The following HIVEP1 variants were observed in gnomAD, a reference collection of about 807,000 sequenced individuals.
HIVEP1 encodes the protein zinc finger protein 40.
A neutral mutation model predicts 180.0 loss-of-function variants in HIVEP1; 36 were observed. The ratio of observed to expected loss-of-function variants is 0.20; its 90% confidence interval spans 0.15 to 0.26. The LOEUF (loss-of-function observed/expected upper bound fraction) is 0.26. Ranked by LOEUF, HIVEP1 falls within the 10% of genes least tolerant of loss-of-function variation. The pLI, the probability that HIVEP1 is intolerant of heterozygous loss-of-function variation, is 1.00. For missense variants in HIVEP1, 3,143 were observed against 3,268.7 expected (o/e 0.96, Z 0.94); for synonymous variants, 1,239 against 1,239.0 (o/e 1.00, Z 0.00).
the HIVEP1 span, among the ~76,000 whole-genome samples, chr6:12,193,255 T>G: frequency 6.6e-6 from 1 of 152,238 alleles, no homozygotes; most frequent in Non-Finnish European, 1.5e-5. Flanking sequence ...ACTTATCCTA[T>G]TTCCCATTTT....
intron 3 of HIVEP1, among the ~76,000 whole-genome samples, chr6:12,090,302 C>A (rs919643283): frequency 6.6e-6 from 1 of 152,052 alleles, no homozygotes; most frequent in African/African-American, 2.4e-5. Flanking sequence ...ACTATTTTGA[C>A]AGAGTAATTT....
rs577439499 is a variant in HIVEP1 at position 12,095,512 on chromosome 6, T to G, written c.94+6275T>G. ...ATGTTGGAATTTTTTTTTCTCCACA[T>G]GGATGGGGATCTTATTTATTTTTAG... On this transcript the variant is annotated intron_variant, in intron 3 of 8. Transcript: ENST00000379388. Among the ~76,000 whole-genome samples the G allele has an allele frequency of 1.5e-4, 21 of 137,460 alleles. No individual in the cohort carries two copies. In the South Asian group the frequency reaches 5.5e-3, roughly 36 times the overall value. 90.2% of individuals were successfully genotyped at this position (137,460 alleles called of 152,430 possible). A position where few individuals can be genotyped will look rare whatever the true frequency, so the allele number is the denominator to read the frequency against.
chr6:12,170,227 G>T, the HIVEP1 span, among the ~76,000 whole-genome samples: 3 of 152,130 alleles, frequency 2.0e-5, no homozygotes, highest in South Asian at 4.2e-4. Context: ...AAGATGCAAG[G>T]TATCTTGAAT....
At chr6:12,103,372 T>A (rs1462868260) in intron 3 of HIVEP1, among the ~76,000 whole-genome samples, 1 of 152,098 alleles carries the variant, frequency 6.6e-6, no homozygotes, top group Non-Finnish European at 1.5e-5. Context: ...TTACCCAAGG[T>A]CACATAGCTG....
upstream of HIVEP1, among the ~76,000 whole-genome samples, chr6:12,009,889 A>G (rs1456147674): frequency 6.6e-6 from 1 of 152,266 alleles, no homozygotes. Context: ...TTTGTTAGAA[A>G]GTTCGTAGTA....
At chr6:12,130,012 A>G (rs891796919) in intron 5 of HIVEP1, 120 bp downstream of exon 5, 6 of 664,366 alleles carry the variant, frequency 9.0e-6, no homozygotes, top group South Asian at 1.9e-5. Flanking sequence ...GTTTCTCAGC[A>G]TATTAACAGA....
chr6:12,044,499 C>T (rs1193830505), intron 2 of HIVEP1, among the ~76,000 whole-genome samples: 2 of 152,170 alleles, frequency 1.3e-5, no homozygotes, highest in South Asian at 4.1e-4. Context: ...CACCTGTGTA[C>T]AGCTGAGGGC....
chr6:12,123,449 T>C lies in HIVEP1; in HGVS notation c.3654T>C (p.His1218=). The C allele has an allele frequency of 1.2e-6, 2 of 1,614,188 alleles. No individual in the cohort carries two copies. Among genetic ancestry groups the C allele is most frequent in the Non-Finnish European group, 1.7e-6 (2 of 1,180,034 alleles). Residue 1218 remains histidine, a synonymous_variant, in exon 4 of 9, where the codon CAT becomes CAC. Coordinates refer to ENST00000379388, the MANE Select transcript of HIVEP1 (RefSeq NM_002114.4). The part of the protein sequence containing the change: ...ESSRKSPSER[H]VLGQPSRLVR... ...CCAGAAAGAGTCCAAGTGAACGACA[T>C]GTGTTAGGACAGCCCTCAAGACTTG...
chr6:12,126,866 CT>C (rs568681742), intron 4 of HIVEP1, among the ~76,000 whole-genome samples: 1 of 151,018 alleles, frequency 6.6e-6, no homozygotes. Flanking sequence ...GAAGAAGCAG[CT>C]TTTTTTTTCG....
In HIVEP1 at chr6:12,125,527, AGC is replaced by A; in HGVS notation, c.5733_5734del (p.Gln1912LysfsTer12). ...CAAGGTGACAAAGTGAACATCCAAGAGCAAAGTCAACAGCCAGTCACTTCTCT... is the reference window on the plus strand; with the variant it reads ...CAAGGTGACAAAGTGAACATCCAAGAAAAGTCAACAGCCAGTCACTTCTCT... On this transcript the variant is annotated frameshift_variant, in exon 4 of 9. Transcript: ENST00000379388. LOFTEE classifies it high-confidence loss of function. 6.2e-7 allele frequency: 1 copy of A among 1,614,190 alleles called. No individual in the cohort carries two copies. Among genetic ancestry groups the A allele is most frequent in the East Asian group, 2.2e-5 (1 of 44,888 alleles).
chr6:12,159,752 G>A (rs1760287140), intron 7 of HIVEP1, among the ~76,000 whole-genome samples: 1 of 152,152 alleles, frequency 6.6e-6, no homozygotes, highest in Non-Finnish European at 1.5e-5. Context: ...CATAATAGTA[G>A]AACCCTAAAA....
chr6:12,090,515 T>G (rs561284203), intron 3 of HIVEP1, among the ~76,000 whole-genome samples: 1 of 151,994 alleles, frequency 6.6e-6, no homozygotes, highest in Non-Finnish European at 1.5e-5. Flanking sequence ...CATGTCTGCC[T>G]TCTCCTCACC....
intron 2 of HIVEP1, among the ~76,000 whole-genome samples, chr6:12,040,289 A>G (rs1396967557): frequency 1.3e-5 from 2 of 152,214 alleles, no homozygotes. Context: ...TGATGTTCAT[A>G]GAGGTTAAAT....
downstream of HIVEP1, among the ~76,000 whole-genome samples, chr6:12,167,224 A>G (rs1760727512): frequency 6.6e-6 from 1 of 152,046 alleles, no homozygotes; most frequent in Admixed American, 6.6e-5. Context: ...AGCAGTTAAT[A>G]AGGATTATGG....
rs746583424 is a variant in HIVEP1, at chr6:12,122,459, C to T, written c.2664C>T (p.Pro888=). Residue 888 remains proline, a synonymous_variant, in exon 4 of 9, where the codon CCC becomes CCT. Coordinates refer to ENST00000379388, the MANE Select transcript of HIVEP1 (RefSeq NM_002114.4). ...VFVSGPNAPV[P]QSGHPRTLVR... ...TATCGGGACCTAACGCTCCTGTGCC[C>T]CAGAGTGGGCATCCCCGTACACTTG... The T allele has an allele frequency of 6.2e-7, 1 of 1,614,164 alleles. No homozygotes were observed.
chr6:12,117,876 T>C (rs2113492532), intron 3 of HIVEP1, among the ~76,000 whole-genome samples: 1 of 152,322 alleles, frequency 6.6e-6, no homozygotes, highest in South Asian at 2.1e-4. Flanking sequence ...TGGAAGTGGA[T>C]AGAGAGACTA....
chr6:12,022,812 A>G (rs1473441807), intron 2 of HIVEP1, among the ~76,000 whole-genome samples: 1 of 152,234 alleles, frequency 6.6e-6, no homozygotes, highest in Non-Finnish European at 1.5e-5. Context: ...GATTACTGAC[A>G]TGTCCCATTC....
At chr6:12,013,695 C>T (rs1473527655) in intron 1 of HIVEP1, among the ~76,000 whole-genome samples, 1 of 152,208 alleles carries the variant, frequency 6.6e-6, no homozygotes, top group Non-Finnish European at 1.5e-5. Context: ...TCAGCTGTGT[C>T]TCAATTCTTT....
At chr6:12,127,665 G>C (rs1278444979) in intron 4 of HIVEP1, among the ~76,000 whole-genome samples, 5 of 152,178 alleles carry the variant, frequency 3.3e-5, no homozygotes, top group Admixed American at 2.6e-4. Context: ...AGAGAGCCTA[G>C]ACTGGATACT....
Sources: gnomAD v4.1 joint callset for allele counts (sites outside exome capture counted in the v4.1 genomes callset) on GRCh38, gnomAD v4.1.1 for gene constraint, MANE v1.5 for transcripts, NCBI Gene and HGNC (gene_info 2026-07-23, HGNC 2026-07-21) for gene names.